Variants in ADGRE5 observed in about 807,000 individuals in gnomAD.
ADGRE5 encodes the protein CD97 molecule.
A neutral mutation model predicts 100.3 loss-of-function variants in ADGRE5; 72 were observed. That is an observed-to-expected ratio of 0.72 (90% CI 0.59 to 0.87). The LOEUF (loss-of-function observed/expected upper bound fraction) is 0.87. ADGRE5 is among the 40% of genes least tolerant of loss of function. The probability of loss-of-function intolerance (pLI) is 0.00; values close to 1 mark genes in which losing one functional copy is unlikely to be tolerated. For missense variants in ADGRE5, 959 were observed against 1,094.7 expected (o/e 0.88, Z 1.75); for synonymous variants, 439 against 447.8 (o/e 0.98, Z 0.25).
In ADGRE5 at chr19:14,391,083, A is replaced by G. The variant is rs923057124; in HGVS notation, c.346+4A>G. 2.5e-6 allele frequency: 4 copies of G among 1,614,076 alleles called. No individual in the cohort carries two copies. The Admixed American group carries it at 6.7e-5, about 27-fold the overall frequency. ...GAGAGCGAGAACACCTGTCAAGGTA[A>G]GAACCACCCCACGTCCTCTGACTTT... On this transcript the variant is annotated splice_donor_region_variant and intron_variant, in intron 4 of 19. Coordinates refer to ENST00000242786, the MANE Select transcript of ADGRE5 (RefSeq NM_078481.4).
In ADGRE5 at chr19:14,408,538, G is replaced by C; in HGVS notation, c.*417G>C. The stretch of plus-strand genomic sequence containing the variant: ...TCAGCTTCCCTCTTAAGCTAAGACT[G>C]ATGTCAGAGGCCCCATGGCGAGGCC... On this transcript the variant is annotated 3_prime_UTR_variant, in exon 20 of 20. Transcript: ENST00000242786. The C allele has an allele frequency of 2.3e-6, 1 of 435,438 alleles. No individual in the cohort carries two copies. Among genetic ancestry groups the C allele is most frequent in the Non-Finnish European group, 4.1e-6 (1 of 241,746 alleles). 27.0% of individuals were successfully genotyped at this position (435,438 alleles called of 1,614,324 possible).
In ADGRE5 at chr19:14,408,173, T is replaced by C; in HGVS notation, c.*52T>C. 2.5e-6 allele frequency: 4 copies of C among 1,592,700 alleles called. No homozygotes were observed. Among genetic ancestry groups the C allele is most frequent in the Non-Finnish European group, 3.4e-6 (4 of 1,163,888 alleles). ...AGCTCCTGTGGCCACAGCAGCTTTG[T>C]ACACGAAGACCATCCATCCTCCCTT... On this transcript the variant is annotated 3_prime_UTR_variant, in exon 20 of 20. Transcript: ENST00000242786.
chr19:14,408,156 T>A lies in ADGRE5; in HGVS notation c.*35T>A. On this transcript the variant is annotated 3_prime_UTR_variant, in exon 20 of 20. Coordinates refer to ENST00000242786, the MANE Select transcript of ADGRE5 (RefSeq NM_078481.4). ...GTTCTGGACGGCCCAGCAGCTCCTG[T>A]GGCCACAGCAGCTTTGTACACGAAG... 6.2e-7 allele frequency: 1 copy of A among 1,610,116 alleles called. No homozygotes were observed. The highest frequency in any genetic ancestry group is 1.3e-5 in the African/African-American group (1 of 74,944).
intron 1 of ADGRE5, among the ~76,000 whole-genome samples, chr19:14,384,608 T>G (rs1164471465): frequency 6.6e-5 from 9 of 137,352 alleles, no homozygotes; most frequent in Non-Finnish European, 1.1e-4. Flanking sequence ...GCCGCTCATA[T>G]CCCAACGCCC....
At position 14,402,745 on chromosome 19, in the gene ADGRE5, C is replaced by G. The variant is rs374862599; in HGVS notation, c.1332C>G (p.Ala444=). ...IRGVQLRRLS[A]VNSIFLSHNN... ...GTGTCCAACTCAGACGCCTCTCTGC[C>G]GTCAACTCCATCTTTCTGAGCCACA... The change falls in exon 12 of 20, where the codon GCC becomes GCG. Residue 444 remains alanine, a synonymous_variant. Transcript: ENST00000242786. The G allele has an allele frequency of 4.5e-5, 73 of 1,613,958 alleles. No homozygotes were observed. In the Middle Eastern group the frequency reaches 4.9e-4, roughly 11 times the overall value.
intron 13 of ADGRE5, chr19:14,405,301 C>T (rs1976180660): frequency 6.3e-6 from 1 of 159,230 alleles, no homozygotes; most frequent in African/African-American, 2.4e-5. Flanking sequence ...TGCCACCATG[C>T]ACCGCTAATT....
At position 14,404,442 on chromosome 19, in the gene ADGRE5, CAG is replaced by C. The variant is rs749189293; in HGVS notation, c.1510_1511del (p.Arg504GlyfsTer37). The C allele has an allele frequency of 6.8e-6, 11 of 1,611,982 alleles. No homozygotes were observed. The highest frequency in any genetic ancestry group is 2.7e-5 in the African/African-American group (2 of 74,868). On this transcript the variant is annotated frameshift_variant, in exon 13 of 20. Coordinates refer to ENST00000242786, the MANE Select transcript of ADGRE5 (RefSeq NM_078481.4). LOFTEE classifies it high-confidence loss of function. Reference protein sequence around the residue: ...LCAFWKSDSDRGGHWATEGCQ... With the variant: ...LCAFWKSDSDXGGHWATEGCQ... ...GTGCCTTCTGGAAGAGTGACAGCGA[CAG>C]GGGAGGGCACTGGGCCACCGAGGGC...
chr19:14,393,325 C>T (rs920360860), intron 4 of ADGRE5, among the ~76,000 whole-genome samples: 4 of 152,134 alleles, frequency 2.6e-5, no homozygotes, highest in African/African-American at 7.2e-5. Context: ...CCGTAGGGTG[C>T]GAGATCAGAG....
chr19:14,402,792 C>T lies in ADGRE5; in HGVS notation c.1379C>T (p.Ser460Phe). Residue 460 changes from serine to phenylalanine, a missense_variant, in exon 12 of 20, where the codon TCC (serine) becomes TTC (phenylalanine). Physicochemically the swap from Ser to Phe is radical, Grantham distance 155. Coordinates refer to ENST00000242786, the MANE Select transcript of ADGRE5 (RefSeq NM_078481.4). ...CACAACAACACCAAGGAACTCAACTCCCCCATCCTTTTCGCCTTCTCCCAC... is the reference window on the plus strand; with the variant it reads ...CACAACAACACCAAGGAACTCAACTTCCCCATCCTTTTCGCCTTCTCCCAC... Reference protein sequence around the residue: ...LSHNNTKELNSPILFAFSHLE... With the variant: ...LSHNNTKELNFPILFAFSHLE... 1 of 1,614,066 alleles carries T rather than the reference C, an allele frequency of 6.2e-7. No homozygotes were observed. The highest frequency in any genetic ancestry group is 1.1e-5 in the South Asian group (1 of 91,074).
At position 14,402,779 on chromosome 19, in the gene ADGRE5, A is replaced by T; in HGVS notation, c.1366A>T (p.Lys456Ter). The T allele has an allele frequency of 6.2e-7, 1 of 1,614,072 alleles. No homozygotes were observed. The highest frequency in any genetic ancestry group is 8.5e-7 in the Non-Finnish European group (1 of 1,180,006). Residue 456 changes from lysine to a stop codon, truncating the protein, a stop_gained, in exon 12 of 20, where the codon AAG becomes TAG. Transcript: ENST00000242786. LOFTEE classifies it high-confidence loss of function. ...NSIFLSHNNTKELNSPILFAF... is the reference protein window; with the variant it reads ...NSIFLSHNNT ...CATCTTTCTGAGCCACAACAACACCAAGGAACTCAACTCCCCCATCCTTTT... is the reference window on the plus strand; with the variant it reads ...CATCTTTCTGAGCCACAACAACACCTAGGAACTCAACTCCCCCATCCTTTT...
At chr19:14,393,166 A>G (rs1260637995) in intron 4 of ADGRE5, among the ~76,000 whole-genome samples, 1 of 150,238 alleles carries the variant, frequency 6.7e-6, no homozygotes, top group Non-Finnish European at 1.5e-5. Flanking sequence ...GCGCCACTAC[A>G]CTCCAGCCTG....
At chr19:14,408,061 G>A (rs774955519) in intron 19 of ADGRE5, 31 bp from the exon 20 acceptor site, 61 of 1,614,028 alleles carry the variant, frequency 3.8e-5, no homozygotes, top group Middle Eastern at 3.3e-4. Flanking sequence ...CAGGGCTAGC[G>A]GGGCTCAGGC....
At position 14,396,615 on chromosome 19, in the gene ADGRE5, A is replaced by T. The variant is rs902950369; in HGVS notation, c.478+142A>T. 4.4e-6 allele frequency: 6 copies of T among 1,365,720 alleles called. No homozygotes were observed. The African/African-American group carries it at 8.7e-5, about 20-fold the overall frequency. 84.6% of individuals were successfully genotyped at this position (1,365,720 alleles called of 1,614,324 possible). ...GGACCTGCTAAGCCCCTGCCTAAGGATTCACCTCCCAGGAAGGTCCTGCCA... is the reference window on the plus strand; with the variant it reads ...GGACCTGCTAAGCCCCTGCCTAAGGTTTCACCTCCCAGGAAGGTCCTGCCA... On this transcript the variant is annotated intron_variant, in intron 5 of 19. Transcript: ENST00000242786.
chr19:14,408,610 C>A lies in ADGRE5; in HGVS notation c.*489C>A. On this transcript the variant is annotated 3_prime_UTR_variant, in exon 20 of 20. Transcript: ENST00000242786. ...CTCACGGTACAGAGGCCTGCCCTGCCTGGCCGGGCAGGAGGTTCTCACTGT... is the reference window on the plus strand; with the variant it reads ...CTCACGGTACAGAGGCCTGCCCTGCATGGCCGGGCAGGAGGTTCTCACTGT... 1 of 439,196 alleles carries A rather than the reference C, an allele frequency of 2.3e-6. No homozygotes were observed. The highest frequency in any genetic ancestry group is 4.0e-5 in the Admixed American group (1 of 25,206). 27.2% of individuals were successfully genotyped at this position (439,196 alleles called of 1,614,324 possible).
rs376798007 is a variant in ADGRE5 at position 14,406,826 on chromosome 19, C to G, written c.2116-43C>G. 239 of 1,610,704 alleles carry G rather than the reference C, an allele frequency of 1.5e-4. No individual in the cohort carries two copies. The highest frequency in any genetic ancestry group is 2.0e-4 in the Non-Finnish European group (236 of 1,176,942). On this transcript the variant is annotated intron_variant, in intron 16 of 19. Transcript: ENST00000242786. The surrounding 1 kb of genome is among the most constrained non-coding windows in gnomAD (Gnocchi z 6.0). The stretch of plus-strand genomic sequence containing the variant: ...CGCCACAGGCCCAGGCCCGGCTGGA[C>G]CATCGCTCTCGCCCTCTAACCCACA...
rs552386176 is a variant in ADGRE5 at position 14,408,305 on chromosome 19, G to C, written c.*184G>C. ...AAAGTCCAGGACACCCAGTGGGGTG[G>C]AGTCGGAGCCACTGGTCCTGCTGCT... is the stretch of plus-strand genomic sequence containing the variant. On this transcript the variant is annotated 3_prime_UTR_variant, in exon 20 of 20. Coordinates refer to ENST00000242786, the MANE Select transcript of ADGRE5 (RefSeq NM_078481.4). The C allele has an allele frequency of 1.4e-6, 1 of 692,198 alleles. No homozygotes were observed. Among genetic ancestry groups the C allele is most frequent in the South Asian group, 1.7e-5 (1 of 58,432 alleles). 42.9% of individuals were successfully genotyped at this position (692,198 alleles called of 1,614,324 possible). A position where few individuals can be genotyped will look rare whatever the true frequency, so the allele number is the denominator to read the frequency against.
Position 14,408,159 on chromosome 19 carries a change from C to T in ADGRE5, c.*38C>T, listed in dbSNP as rs755251439. The T allele has an allele frequency of 1.1e-5, 17 of 1,608,862 alleles. No individual in the cohort carries two copies. The highest frequency in any genetic ancestry group is 2.5e-6 in the Non-Finnish European group (3 of 1,177,452). On this transcript the variant is annotated 3_prime_UTR_variant, in exon 20 of 20. Transcript: ENST00000242786. ...CTGGACGGCCCAGCAGCTCCTGTGG[C>T]CACAGCAGCTTTGTACACGAAGACC... is the stretch of plus-strand genomic sequence containing the variant.
At chr19:14,390,604 G>A (rs534645020) in intron 3 of ADGRE5, among the ~76,000 whole-genome samples, 2 of 152,228 alleles carry the variant, frequency 1.3e-5, no homozygotes, top group African/African-American at 4.8e-5. Context: ...GATTACAGGC[G>A]TGAGCCACTG....
rs919843430 is a variant in ADGRE5, at chr19:14,401,395, A to G, written c.907A>G (p.Lys303Glu). ...SAEVTIQNVI[K>E]LVDELMEAPG... ...ACCCGCCACCCCCTAGAATGTCATCAAATTGGTGGATGAACTGATGGAAGC... is the reference window on the plus strand; with the variant it reads ...ACCCGCCACCCCCTAGAATGTCATCGAATTGGTGGATGAACTGATGGAAGC... The change falls in exon 10 of 20, where the codon AAA (lysine) becomes GAA (glutamate). Residue 303 changes from lysine (K) to glutamate (E), a missense_variant. This residue lies in a region of ADGRE5 where 69 missense variants were observed against 135.0 expected (regional missense o/e 0.51). Transcript: ENST00000242786. The surrounding 1 kb of genome is among the most constrained non-coding windows in gnomAD (Gnocchi z 4.1). 5.0e-6 allele frequency: 8 copies of G among 1,613,736 alleles called. No individual in the cohort carries two copies. In the Admixed American group the frequency reaches 5.0e-5, roughly 10 times the overall value.
Sources: allele counts gnomAD v4.1 joint callset (sites outside exome capture counted in the v4.1 genomes callset), GRCh38; gene constraint gnomAD v4.1.1; regional missense constraint gnomAD v4.1.1; non-coding constraint Gnocchi (gnomAD v3.1); transcripts MANE v1.5; gene names NCBI Gene and HGNC (gene_info 2026-07-23, HGNC 2026-07-21).